TTYH1: variants seen among roughly 807,000 people sequenced by gnomAD.
TTYH1 encodes tweety family member 1.
A neutral mutation model predicts 61.2 loss-of-function variants in TTYH1; 33 were observed. The ratio of observed to expected loss-of-function variants is 0.54; its 90% CI spans 0.41 to 0.72. The LOEUF is 0.72. TTYH1 is among the 30% of genes least tolerant of loss of function. The pLI is 0.00. For missense variants in TTYH1, 538 were observed against 575.8 expected (o/e 0.93, Z 0.67); for synonymous variants, 308 against 266.4 (o/e 1.16, Z -1.52).
At position 54,435,809 on chromosome 19, in the gene TTYH1, GC is replaced by G. The variant is rs758133208; in HGVS notation, c.1269-15del. The G allele has an allele frequency of 9.9e-6, 16 of 1,613,882 alleles. No homozygotes were observed. The highest frequency in any genetic ancestry group is 1.4e-5 in the Non-Finnish European group (16 of 1,179,946). On this transcript the variant is annotated intron_variant, in intron 11 of 13. Transcript: ENST00000376530. ...GGTCCCCATCCCGCCTCTCTGCCAT[GC>G]CCCGCATCAAACCCCAGTGACGACT... is the stretch of plus-strand genomic sequence containing the variant.
In TTYH1 at chr19:54,419,268, C is replaced by G; in HGVS notation, c.267C>G (p.Cys89Trp). 5 of 1,603,656 alleles carry G rather than the reference C, an allele frequency of 3.1e-6. No individual in the cohort carries two copies. Among genetic ancestry groups the G allele is most frequent in the Non-Finnish European group, 4.2e-6 (5 of 1,179,074 alleles). The stretch of plus-strand genomic sequence containing the variant: ...AGATCCCCTCGCCCGGGGGAGGCTG[C>G]GTCACCTGGAGCTGCATTGTCGCCC... ...GSKIPSPGGGCVTWSCIVALL... is the reference protein window; with the variant it reads ...GSKIPSPGGGWVTWSCIVALL... The change falls in exon 2 of 14, where the codon TGC (cysteine) becomes TGG (tryptophan). Residue 89 changes from cysteine (C) to tryptophan (W), a missense_variant. Cys to Trp is a radical substitution (Grantham distance 215). Around this residue, in one of 3 missense-constraint regions of TTYH1, gnomAD observed 157 missense variants for 157.0 expected, o/e 1.00. Transcript: ENST00000376530. The surrounding 1 kb of genome is among the most constrained non-coding windows in gnomAD (Gnocchi z 6.1).
chr19:54,428,094 T>TG lies in TTYH1; in HGVS notation c.735-1213_735-1212insG, dbSNP rs2083366916. 1.3e-4 allele frequency among the ~76,000 whole-genome samples: 19 copies of TG among 141,498 alleles called. 1 individual carries two copies. The highest frequency in any genetic ancestry group is 5.0e-4 in the African/African-American group (19 of 37,742). The allele number at this position is 141,498 out of a possible 152,430, so 92.8% of individuals were successfully genotyped here. Reference sequence around the variant, plus strand: ...TCCCGGCTAAGTTTTTTTTTTTTTTTTTTTTTTTTTTTGAGCTGCAATTTG... The same window carrying TG: ...TCCCGGCTAAGTTTTTTTTTTTTTTTGTTTTTTTTTTTTGAGCTGCAATTTG... On this transcript the variant is annotated intron_variant, in intron 5 of 13. Coordinates refer to ENST00000376530, the MANE Select transcript of TTYH1 (RefSeq NM_020659.4).
Position 54,422,263 on chromosome 19 carries a change from C to A in TTYH1, c.491C>A (p.Pro164Gln). The A allele has an allele frequency of 6.4e-7, 1 of 1,565,876 alleles. No individual in the cohort carries two copies. The highest frequency in any genetic ancestry group is 1.2e-5 in the South Asian group (1 of 85,264). The change falls in exon 4 of 14, where the codon CCG (proline) becomes CAG (glutamine). Residue 164 changes from proline to glutamine, a missense_variant. By Grantham distance (76) the Pro-to-Gln change is moderately conservative. Transcript: ENST00000376530. Reference sequence around the variant, plus strand: ...ACCACCCTGGAGGAGGTGCTCGAGCCGCGCACGGAGCTGGTGGCTGCCGCC... The same window carrying A: ...ACCACCCTGGAGGAGGTGCTCGAGCAGCGCACGGAGCTGGTGGCTGCCGCC... ...ELTTLEEVLE[P>Q]RTELVAAARG...
rs373169284 is a variant in TTYH1, at chr19:54,422,376, G to T, written c.604G>T (p.Val202Leu). The change falls in exon 4 of 14, where the codon GTG becomes TTG. Residue 202 changes from valine (V) to leucine (L), a missense_variant. Physicochemically the swap from Val to Leu is conservative, Grantham distance 32 (BLOSUM62 1). Around this residue, in one of 3 missense-constraint regions of TTYH1, gnomAD observed 378 missense variants for 401.2 expected, o/e 0.94. Transcript: ENST00000376530. ...GGGAGTGCCCCTGAGCCCCCTGCAG[G>T]TGGCTGAAAATGTGTCCTTTGTGGA... Reference protein sequence around the residue: ...WQGVPLSPLQVAENVSFVEEY... With the variant: ...WQGVPLSPLQLAENVSFVEEY... 20 of 1,573,498 alleles carry T rather than the reference G, an allele frequency of 1.3e-5. No homozygotes were observed. The African/African-American group carries it at 2.6e-4, about 20-fold the overall frequency.
Position 54,436,235 on chromosome 19 carries a change from G to A in TTYH1, c.*42+64G>A. The stretch of plus-strand genomic sequence containing the variant: ...CCTCTGCCCCCCTCCCGCCCTCCGA[G>A]CTGCTCCAGGCATGGGCTGCGTGCC... On this transcript the variant is annotated intron_variant, in intron 13 of 13. Coordinates refer to ENST00000376530, the MANE Select transcript of TTYH1 (RefSeq NM_020659.4). The surrounding 1 kb of genome is among the most constrained non-coding windows in gnomAD (Gnocchi z 4.3). 5.0e-6 allele frequency: 8 copies of A among 1,608,036 alleles called. No individual in the cohort carries two copies. The highest frequency in any genetic ancestry group is 6.0e-6 in the Non-Finnish European group (7 of 1,175,250).
At chr19:54,431,248 C>T (rs1315839415) in intron 10 of TTYH1, 57 bp downstream of exon 10, 2 of 1,194,792 alleles carry the variant, frequency 1.7e-6, no homozygotes, top group East Asian at 2.3e-5. Context: ...TCTCGACCCA[C>T]AGAACTACCT....
chr19:54,423,791 G>A (rs549184166), intron 4 of TTYH1, among the ~76,000 whole-genome samples: 3 of 152,300 alleles, frequency 2.0e-5, no homozygotes, highest in African/African-American at 7.2e-5. Context: ...ACGTGGCTGC[G>A]TCCTCCGGGG....
intron 5 of TTYH1, among the ~76,000 whole-genome samples, chr19:54,428,914 T>C (rs1458971265): frequency 2.0e-5 from 3 of 152,144 alleles, no homozygotes; most frequent in Admixed American, 6.6e-5. Flanking sequence ...ATTTCAGCCC[T>C]GGCACTGTCT....
At position 54,423,750 on chromosome 19, in the gene TTYH1, G is replaced by A. The variant is rs147211103; in HGVS notation, c.638+1340G>A. Among the ~76,000 whole-genome samples the A allele has an allele frequency of 1.2e-3, 175 of 152,104 alleles. 1 individual carries two copies. The highest frequency in any genetic ancestry group is 3.8e-3 in the African/African-American group (159 of 41,480). On this transcript the variant is annotated intron_variant, in intron 4 of 13. Transcript: ENST00000376530. ...AGTGTAGTCACCCCGGTGGCGGGCC[G>A]GGCAGTGAGCAAGTGGCAGAAATCC...
In TTYH1 at chr19:54,430,581, G is replaced by A. The variant is rs780562794; in HGVS notation, c.915G>A (p.Arg305=). The change falls in exon 8 of 14, where the codon CGG becomes CGA. Residue 305 remains arginine (R), a synonymous_variant. Coordinates refer to ENST00000376530, the MANE Select transcript of TTYH1 (RefSeq NM_020659.4). ...TGAGCTATTATCTCCTCTGCAACCG[G>A]GCCGTCTCCAACCCCTTCCAACAGG... ...DILSYYLLCN[R]AVSNPFQQRL... is the part of the protein sequence containing the mutation. The A allele has an allele frequency of 1.9e-6, 3 of 1,614,036 alleles. No homozygotes were observed. The highest frequency in any genetic ancestry group is 1.1e-5 in the South Asian group (1 of 91,072).
At chr19:54,427,716 C>T (rs1270712385) in intron 5 of TTYH1, among the ~76,000 whole-genome samples, 1 of 152,114 alleles carries the variant, frequency 6.6e-6, no homozygotes, top group Non-Finnish European at 1.5e-5. Context: ...CATAAGGCTC[C>T]ATGTGGCCGG....
At position 54,436,198 on chromosome 19, in the gene TTYH1, C is replaced by T. The variant is rs1441893177; in HGVS notation, c.*42+27C>T. Reference sequence around the variant, plus strand: ...TGAGCTTCCAAGGGCCACCCCAGCTCCTGCAGCCGGGCCTCTGCCCCCCTC... The same window carrying T: ...TGAGCTTCCAAGGGCCACCCCAGCTTCTGCAGCCGGGCCTCTGCCCCCCTC... On this transcript the variant is annotated intron_variant, in intron 13 of 13. Coordinates refer to ENST00000376530, the MANE Select transcript of TTYH1 (RefSeq NM_020659.4). This position sits in a 1 kb window ranked among gnomAD's most constrained non-coding sequence, Gnocchi z 4.3. 2.5e-6 allele frequency: 4 copies of T among 1,611,068 alleles called. No individual in the cohort carries two copies. The highest frequency in any genetic ancestry group is 3.3e-5 in the Admixed American group (2 of 59,958).
At position 54,421,225 on chromosome 19, in the gene TTYH1, C is replaced by T. The variant is rs2083210714; in HGVS notation, c.306-52C>T. ...GGGATGGGGTGGGAGGGGACGGTGG[C>T]CCCCGGGGTCCTGGGACCCGCTGAG... On this transcript the variant is annotated intron_variant, in intron 2 of 13. Transcript: ENST00000376530. The surrounding 1 kb of genome is among the most constrained non-coding windows in gnomAD (Gnocchi z 4.8). 7.2e-6 allele frequency: 9 copies of T among 1,249,936 alleles called. No individual in the cohort carries two copies. Among genetic ancestry groups the T allele is most frequent in the Middle Eastern group, 2.0e-4 (1 of 4,990 alleles). 77.4% of individuals were successfully genotyped at this position (1,249,936 alleles called of 1,614,324 possible).
At chr19:54,424,863 T>A (rs2083291144) in intron 4 of TTYH1, among the ~76,000 whole-genome samples, 1 of 152,132 alleles carries the variant, frequency 6.6e-6, no homozygotes, top group South Asian at 2.1e-4. Flanking sequence ...ACTGAGCACT[T>A]ACTACGTGCC....
intron 1 of TTYH1, among the ~76,000 whole-genome samples, chr19:54,417,314 T>G (rs548657300): frequency 2.0e-5 from 3 of 149,904 alleles, no homozygotes; most frequent in Non-Finnish European, 4.4e-5. Flanking sequence ...CACACTCACA[T>G]GCACACACTC....
In TTYH1 at chr19:54,420,055, A is replaced by C. The variant is rs1014198943; in HGVS notation, c.305+749A>C. Among the ~76,000 whole-genome samples the C allele has an allele frequency of 3.3e-5, 5 of 152,132 alleles. No individual in the cohort carries two copies. The highest frequency in any genetic ancestry group is 1.2e-4 in the African/African-American group (5 of 41,432). ...TCACCTTTCAAGGCCACGTGGCTTAAGAGGCAGCACAGAGATTCAGACCCA... is the reference window on the plus strand; with the variant it reads ...TCACCTTTCAAGGCCACGTGGCTTACGAGGCAGCACAGAGATTCAGACCCA... On this transcript the variant is annotated intron_variant, in intron 2 of 13. Coordinates refer to ENST00000376530, the MANE Select transcript of TTYH1 (RefSeq NM_020659.4). This position sits in a 1 kb window ranked among gnomAD's most constrained non-coding sequence, Gnocchi z 4.8.
Position 54,416,260 on chromosome 19 carries a change from G to T in TTYH1, c.126+582G>T. Reference sequence around the variant, plus strand: ...GAAGCTTCTTGCCCGTCCCAAGAAAGAAGGGGTGGTCAGGGCGCTGCAGGG... The same window carrying T: ...GAAGCTTCTTGCCCGTCCCAAGAAATAAGGGGTGGTCAGGGCGCTGCAGGG... On this transcript the variant is annotated intron_variant, in intron 1 of 13. Coordinates refer to ENST00000376530, the MANE Select transcript of TTYH1 (RefSeq NM_020659.4). This position sits in a 1 kb window ranked among gnomAD's most constrained non-coding sequence, Gnocchi z 7.0. The T allele has an allele frequency of 3.0e-6, 1 of 336,666 alleles. No individual in the cohort carries two copies. Among genetic ancestry groups the T allele is most frequent in the Non-Finnish European group, 6.1e-6 (1 of 164,662 alleles). 20.9% of individuals were successfully genotyped at this position (336,666 alleles called of 1,614,324 possible). A position where few individuals can be genotyped will look rare whatever the true frequency, so the allele number is the denominator to read the frequency against.
chr19:54,426,838 C>T, intron 5 of TTYH1, 70 bp downstream of exon 5: 1 of 1,388,142 alleles, frequency 7.2e-7, no homozygotes, highest in South Asian at 1.2e-5. Context: ...CTCAGTCTTA[C>T]AACTCTCCTA....
intron 1 of TTYH1, among the ~76,000 whole-genome samples, chr19:54,417,560 C>T (rs546741572): frequency 6.6e-6 from 1 of 152,138 alleles, no homozygotes; most frequent in South Asian, 2.1e-4. Flanking sequence ...ACATTGCGCA[C>T]AGTGACTCAC....
Sources: allele counts gnomAD v4.1 joint callset (sites outside exome capture counted in the v4.1 genomes callset), GRCh38; gene constraint gnomAD v4.1.1; regional missense constraint gnomAD v4.1.1; non-coding constraint Gnocchi (gnomAD v3.1); transcripts MANE v1.5; gene names NCBI Gene and HGNC (gene_info 2026-07-23, HGNC 2026-07-21).